The following MOCOS variants were observed in gnomAD, a reference collection of about 807,000 sequenced individuals.
The protein encoded by MOCOS is human molybdenum cofactor sulfurase.
Under a neutral mutation model 83.6 loss-of-function variants are expected in MOCOS, and 86 were observed. The observed-to-expected ratio is 1.03, with a 90% CI of 0.86 to 1.23. The LOEUF (loss-of-function observed/expected upper bound fraction) is 1.23. Among genes scored for constraint, MOCOS ranks in the 50% most tolerant of loss-of-function variants. MOCOS has a pLI of 0.00. For synonymous variants in MOCOS, 445 were observed against 434.7 expected, an observed-to-expected ratio of 1.02 and a Z score of -0.29; for missense variants, 1,120 against 1,126.9, an observed-to-expected ratio of 0.99 and a Z score of 0.09.
chr18:36,215,438 A>G (rs990966448), intron 7 of MOCOS, 78 bp from the exon 8 acceptor site: 2 of 1,386,664 alleles, frequency 1.4e-6, no homozygotes, highest in Non-Finnish European at 2.0e-6. Flanking sequence ...AATTAACAAA[A>G]TTTATTTTGC....
rs1170966924 is a variant in MOCOS at position 36,260,043 on chromosome 18, G to T, written c.2277G>T (p.Glu759Asp). ...ELHRQLNTSD[E>D]NGKEELFSLK... ...TTTTGGTTGCTTTAATCAGTGATGA[G>T]AATGGAAAGGAGGAATTATTCTCAC... The change falls in exon 13 of 15, where the codon GAG becomes GAT. Residue 759 changes from glutamate (E) to aspartate (D), a missense_variant. Coordinates refer to ENST00000261326, the MANE Select transcript of MOCOS (RefSeq NM_017947.4). The T allele has an allele frequency of 6.2e-7, 1 of 1,614,064 alleles. No homozygotes were observed. The highest frequency in any genetic ancestry group is 8.5e-7 in the Non-Finnish European group (1 of 1,180,026).
Position 36,213,375 on chromosome 18 carries a change from A to G in MOCOS, c.1228A>G (p.Met410Val), listed in dbSNP as rs754145307. Residue 410 changes from methionine to valine, a missense_variant, in exon 7 of 15, where the codon ATG (methionine) becomes GTG (valine). By Grantham distance (21) the Met-to-Val change is conservative. Transcript: ENST00000261326. ...TACATTAAATCCGCAGGTGGACAAAATGGCCAGTCTTTACAACATCCACCT... is the reference window on the plus strand; with the variant it reads ...TACATTAAATCCGCAGGTGGACAAAGTGGCCAGTCTTTACAACATCCACCT... Reference protein sequence around the residue: ...NIIGYSQVDKMASLYNIHLRT... With the variant: ...NIIGYSQVDKVASLYNIHLRT... 7 of 1,614,052 alleles carry G rather than the reference A, an allele frequency of 4.3e-6. 1 individual carries two copies. In the South Asian group the frequency reaches 5.5e-5, roughly 13 times the overall value.
rs780493518 is a variant in MOCOS at position 36,205,204 on chromosome 18, C to T, written c.1146C>T (p.Ser382=). ...TTTACAGCGATTCTGAGTTCAGCAG[C>T]CCTGAGGTTCAGGGCCCAATCATCA... ...VRIYSDSEFS[S]PEVQGPIINF... is the part of the protein sequence containing the mutation. The change falls in exon 6 of 15, where the codon AGC becomes AGT. Residue 382 remains serine (S), a synonymous_variant. Coordinates refer to ENST00000261326, the MANE Select transcript of MOCOS (RefSeq NM_017947.4). The T allele has an allele frequency of 4.3e-6, 7 of 1,613,842 alleles. No homozygotes were observed. The highest frequency in any genetic ancestry group is 2.7e-5 in the African/African-American group (2 of 74,852).
At chr18:36,241,027 A>G (rs1598587902) in intron 9 of MOCOS, among the ~76,000 whole-genome samples, 1 of 152,158 alleles carries the variant, frequency 6.6e-6, no homozygotes, top group South Asian at 2.1e-4. Flanking sequence ...ACCTGCACCC[A>G]CTGTCTGGCA....
At chr18:36,203,038 T>C in intron 4 of MOCOS, 75 bp from the exon 5 acceptor site, 1 of 1,408,298 alleles carries the variant, frequency 7.1e-7, no homozygotes. Flanking sequence ...AATCTAAAGC[T>C]CATTATATAC....
chr18:36,219,330 T>C (rs1828916868), intron 8 of MOCOS, among the ~76,000 whole-genome samples: 1 of 151,924 alleles, frequency 6.6e-6, no homozygotes, highest in Admixed American at 6.6e-5. Context: ...AGTAGAAAAA[T>C]ATGTCTATAC....
intron 13 of MOCOS, among the ~76,000 whole-genome samples, chr18:36,262,891 T>C (rs1286604113): frequency 6.6e-6 from 1 of 152,210 alleles, no homozygotes; most frequent in Non-Finnish European, 1.5e-5. Flanking sequence ...GGAGGATCAC[T>C]TGAGCTCACA....
rs1040743642 is a variant in MOCOS, at chr18:36,230,578, T to C, written c.1960+10361T>C. Among the ~76,000 whole-genome samples, 3 of 152,224 alleles carry C rather than the reference T, an allele frequency of 2.0e-5. 1 individual carries two copies. Among genetic ancestry groups the C allele is most frequent in the Admixed American group, 1.3e-4 (2 of 15,278 alleles). On this transcript the variant is annotated intron_variant, in intron 9 of 14. Transcript: ENST00000261326. ...ATGAGCACTGGGGAGCTCAAGATGCTACCTCCATTCTCTTGCGAGTGGCTT... is the reference window on the plus strand; with the variant it reads ...ATGAGCACTGGGGAGCTCAAGATGCCACCTCCATTCTCTTGCGAGTGGCTT...
chr18:36,255,540 G>C (rs917918426), intron 11 of MOCOS, among the ~76,000 whole-genome samples: 1 of 152,158 alleles, frequency 6.6e-6, no homozygotes, highest in Non-Finnish European at 1.5e-5. Flanking sequence ...TGCTTTAGGA[G>C]ACCTTGGCCT....
rs74537702 is a variant in MOCOS at position 36,241,639 on chromosome 18, T to A, written c.1961-7283T>A. Among the ~76,000 whole-genome samples the A allele has an allele frequency of 1.9e-3, 286 of 152,330 alleles. 12 individuals carry two copies. The East Asian group carries it at 0.051, about 27-fold the overall frequency. On this transcript the variant is annotated intron_variant, in intron 9 of 14. Transcript: ENST00000261326. The stretch of plus-strand genomic sequence containing the variant: ...AGGCAGTGCCCCTGTGGGGACTCTG[T>A]GGAATCTCCAATTTCACATTACCCA...
At position 36,248,883 on chromosome 18, in the gene MOCOS, TA is replaced by T. The variant is rs769585535; in HGVS notation, c.1961-38del. The T allele has an allele frequency of 3.2e-6, 5 of 1,548,820 alleles. No homozygotes were observed. In the South Asian group the frequency reaches 5.6e-5, roughly 17 times the overall value. On this transcript the variant is annotated intron_variant, in intron 9 of 14. Coordinates refer to ENST00000261326, the MANE Select transcript of MOCOS (RefSeq NM_017947.4). The stretch of plus-strand genomic sequence containing the variant: ...TTTGAAGTCAAGTAGCTGTTGTTTT[TA>T]CATAATGATAAATTTGTTTTTAACC...
At position 36,213,383 on chromosome 18, in the gene MOCOS, T is replaced by C; in HGVS notation, c.1236T>C (p.Ser412=). 6.2e-7 allele frequency: 1 copy of C among 1,614,086 alleles called. No homozygotes were observed. Among genetic ancestry groups the C allele is most frequent in the Non-Finnish European group, 8.5e-7 (1 of 1,179,994 alleles). ...ATCCGCAGGTGGACAAAATGGCCAG[T>C]CTTTACAACATCCACCTGCGAACTG... ...IGYSQVDKMA[S]LYNIHLRTGC... Residue 412 remains serine (S), a synonymous_variant, in exon 7 of 15, where the codon AGT becomes AGC. Transcript: ENST00000261326.
chr18:36,219,196 T>TATTTA (rs199641895), intron 8 of MOCOS, among the ~76,000 whole-genome samples: 1 of 149,828 alleles, frequency 6.7e-6, no homozygotes, highest in African/African-American at 2.5e-5. Context: ...TTATTTTATT[T>TATTTA]TTTTTTTTGA....
rs1425242532 is a variant in MOCOS, at chr18:36,199,788, C to T, written c.405C>T (p.Ser135=). ...TGGCAGAGGCCTTTCCATGGGTGTCCCAGGGCCCAGAGAGCAGTGGGAGTC... is the reference window on the plus strand; with the variant it reads ...TGGCAGAGGCCTTTCCATGGGTGTCTCAGGGCCCAGAGAGCAGTGGGAGTC... ...KLVAEAFPWV[S]QGPESSGSRF... Residue 135 remains serine (S), a synonymous_variant, in exon 4 of 15, where the codon TCC becomes TCT. Transcript: ENST00000261326. 3.1e-6 allele frequency: 5 copies of T among 1,614,136 alleles called. No individual in the cohort carries two copies. Among genetic ancestry groups the T allele is most frequent in the Non-Finnish European group, 3.4e-6 (4 of 1,180,034 alleles).
rs141033231 is a variant in MOCOS, at chr18:36,259,101, AT to A, written c.2271-928del. On this transcript the variant is annotated intron_variant, in intron 12 of 14. Transcript: ENST00000261326. The stretch of plus-strand genomic sequence containing the variant: ...GTGGGGGTGGGGGGTGCAGAGGGCC[AT>A]TTTTTTTGGAACCTCATGGCAATAA... Among the ~76,000 whole-genome samples, 48 of 150,026 alleles carry A rather than the reference AT, an allele frequency of 3.2e-4. No homozygotes were observed. The South Asian group carries it at 8.6e-3, about 27-fold the overall frequency.
intron 9 of MOCOS, among the ~76,000 whole-genome samples, chr18:36,229,028 A>G (rs2091528350): frequency 1.3e-5 from 2 of 152,038 alleles, no homozygotes; most frequent in Admixed American, 1.3e-4. Flanking sequence ...CTTATTTTTG[A>G]CATATTTTTG....
intron 13 of MOCOS, among the ~76,000 whole-genome samples, chr18:36,263,905 G>A (rs1245402587): frequency 2.0e-5 from 3 of 152,070 alleles, no homozygotes; most frequent in South Asian, 2.1e-4. Flanking sequence ...GGCTGGGTGC[G>A]GTGGCTCATG....
chr18:36,246,600 G>A (rs1440841391), intron 9 of MOCOS, among the ~76,000 whole-genome samples: 2 of 152,204 alleles, frequency 1.3e-5, no homozygotes, highest in Non-Finnish European at 2.9e-5. Context: ...TTTAGTCCTT[G>A]GTTGTAGTTT....
At chr18:36,214,128 C>T (rs2091466249) in intron 7 of MOCOS, among the ~76,000 whole-genome samples, 1 of 150,574 alleles carries the variant, frequency 6.6e-6, no homozygotes, top group Admixed American at 6.7e-5. Flanking sequence ...GTAATCCTAG[C>T]TAGTCAGGAG....
Sources: allele counts gnomAD v4.1 joint callset (sites outside exome capture counted in the v4.1 genomes callset), GRCh38; gene constraint gnomAD v4.1.1; transcripts MANE v1.5; gene names NCBI Gene and HGNC (gene_info 2026-07-23, HGNC 2026-07-21).